PCDHGB3: variants seen among roughly 807,000 people sequenced by gnomAD.
PCDHGB3 encodes the protein protocadherin gamma subfamily B, 3, also known as protocadherin gamma-B3.
A neutral mutation model predicts 59.2 loss-of-function variants in PCDHGB3; 40 were observed. The ratio of observed to expected loss-of-function variants is 0.68; its 90% CI spans 0.52 to 0.88. PCDHGB3 has a LOEUF of 0.88. Ranked by LOEUF, PCDHGB3 falls within the 40% of genes least tolerant of loss-of-function variation. The pLI is 0.00. For synonymous variants in PCDHGB3, 581 were observed against 503.6 expected, an observed-to-expected ratio of 1.15 and a Z score of -2.06; for missense variants, 1,309 against 1,187.9, an observed-to-expected ratio of 1.10 and a Z score of -1.50.
At chr5:141,510,402 G>A (rs2099880998) in intron 3 of PCDHGB3, among the ~76,000 whole-genome samples, 1 of 152,008 alleles carries the variant, frequency 6.6e-6, no homozygotes, top group African/African-American at 2.4e-5. Flanking sequence ...GCAAAGGCTA[G>A]GGGCATGTAA....
rs56854727 is a variant in PCDHGB3, at chr5:141,438,635, TACACACAC to T, written c.2416-56162_2416-56155del. ...ATATATATATATATATATATATATA[TACACACAC>T]ACACACACATATATGTATATATATA... On this transcript the variant is annotated intron_variant, in intron 1 of 3. Transcript: ENST00000576222. Among the ~76,000 whole-genome samples, 72 of 33,376 alleles carry T rather than the reference TACACACAC, an allele frequency of 2.2e-3. 1 individual carries two copies. Among genetic ancestry groups the T allele is most frequent in the Non-Finnish European group, 3.0e-3 (57 of 18,970 alleles). The allele number at this position is 33,376 out of a possible 152,430, so 21.9% of individuals were successfully genotyped here.
At chr5:141,387,666 A>C (rs1286333740) in intron 1 of PCDHGB3, 1 of 683,200 alleles carries the variant, frequency 1.5e-6, no homozygotes, top group African/African-American at 1.8e-5. Flanking sequence ...TTGGCGCTCC[A>C]GATCTCCTCG....
chr5:141,422,556 G>T, intron 1 of PCDHGB3: 1 of 1,613,908 alleles, frequency 6.2e-7, no homozygotes, highest in South Asian at 1.1e-5. Context: ...GGCTGAATGT[G>T]GCAGATGACA....
chr5:141,403,863 C>CA (rs1449407003), intron 1 of PCDHGB3: 1 of 1,613,374 alleles, frequency 6.2e-7, no homozygotes, highest in Non-Finnish European at 8.5e-7. Flanking sequence ...ATATCAACAG[C>CA]AAAAAGTCTA....
intron 1 of PCDHGB3, among the ~76,000 whole-genome samples, chr5:141,379,797 G>C (rs1775829191): frequency 6.6e-6 from 1 of 150,836 alleles, no homozygotes; most frequent in African/African-American, 2.4e-5. Flanking sequence ...GGCTATCTGA[G>C]GTTTTGAGAG....
intron 1 of PCDHGB3, chr5:141,426,760 C>T (rs935248232): frequency 4.4e-6 from 2 of 456,284 alleles, no homozygotes; most frequent in African/African-American, 4.0e-5. Context: ...GCTATAGATG[C>T]AGATGTAGGG....
intron 3 of PCDHGB3, among the ~76,000 whole-genome samples, chr5:141,506,011 C>T (rs1209221520): frequency 6.6e-6 from 1 of 152,204 alleles, no homozygotes; most frequent in Non-Finnish European, 1.5e-5. Flanking sequence ...TCCTCTTTTG[C>T]TGCCCCTAAC....
At chr5:141,372,987 AGT>A in intron 1 of PCDHGB3, 178 bp downstream of exon 1, 1 of 640,932 alleles carries the variant, frequency 1.6e-6, no homozygotes, top group Non-Finnish European at 2.6e-6. Flanking sequence ...TCTGTGTTGC[AGT>A]TGTTCTTTCA....
chr5:141,511,560 T>C lies in PCDHGB3; in HGVS notation c.*387T>C. ...CCACCCCACTCCAACAGTTCCTCTT[T>C]CCCGAGTAAGGTGGTTGGGGTGTTG... On this transcript the variant is annotated 3_prime_UTR_variant, in exon 4 of 4. Coordinates refer to ENST00000576222, the MANE Select transcript of PCDHGB3 (RefSeq NM_018924.5). The C allele has an allele frequency of 3.3e-6, 1 of 298,990 alleles. No homozygotes were observed. The highest frequency in any genetic ancestry group is 3.7e-5 in the South Asian group (1 of 27,250). The allele number at this position is 298,990 out of a possible 1,614,324, so 18.5% of individuals were successfully genotyped here.
rs759346998 is a variant in PCDHGB3 at position 141,410,849 on chromosome 5, C to CTTTTTTTTTT, written c.2415+38053_2415+38062dup. ...CAGACTGAAGATATTTTGTCTTTGT[C>CTTTTTTTTTT]TTTTTTTTTTTTTTTTTTTTTTGAG... On this transcript the variant is annotated intron_variant, in intron 1 of 3. Coordinates refer to ENST00000576222, the MANE Select transcript of PCDHGB3 (RefSeq NM_018924.5). 91 of 138,162 alleles carry CTTTTTTTTTT rather than the reference C, an allele frequency of 6.6e-4. 6 individuals are homozygous for CTTTTTTTTTT. The highest frequency in any genetic ancestry group is 2.3e-3 in the African/African-American group (38 of 16,624). The allele number at this position is 138,162 out of a possible 1,614,324, so 8.6% of individuals were successfully genotyped here. A position where few individuals can be genotyped will look rare whatever the true frequency, so the allele number is the denominator to read the frequency against.
At chr5:141,409,573 C>T (rs562811168) in intron 1 of PCDHGB3, 4 of 1,613,934 alleles carry the variant, frequency 2.5e-6, no homozygotes, top group African/African-American at 2.7e-5. Flanking sequence ...AGACGTCCTA[C>T]GTGGTCCACG....
At position 141,487,267 on chromosome 5, in the gene PCDHGB3, G is replaced by A; in HGVS notation, c.2416-7540G>A. 3 of 1,614,134 alleles carry A rather than the reference G, an allele frequency of 1.9e-6. No individual in the cohort carries two copies. The highest frequency in any genetic ancestry group is 2.5e-6 in the Non-Finnish European group (3 of 1,180,024). ...CCCTCTACTTGGCTGTGTCCCTAGT[G>A]GCAATTTGCTTTGTCTCCTTTGGCT... is the stretch of plus-strand genomic sequence containing the variant. On this transcript the variant is annotated intron_variant, in intron 1 of 3. Transcript: ENST00000576222. The surrounding 1 kb of genome is among the most constrained non-coding windows in gnomAD (Gnocchi z 5.0).
intron 1 of PCDHGB3, chr5:141,427,328 T>G (rs951396612): frequency 1.6e-4 from 74 of 457,122 alleles, no homozygotes; most frequent in Admixed American, 1.2e-3. Context: ...TGGTTTTTAC[T>G]TCAGTGTCCA....
chr5:141,464,402 G>GAT (rs1039725208), intron 1 of PCDHGB3, among the ~76,000 whole-genome samples: 22 of 150,720 alleles, frequency 1.5e-4, no homozygotes, highest in Admixed American at 7.3e-4. Context: ...AAGAACCTGA[G>GAT]ATATATATAT....
rs766428179 is a variant in PCDHGB3, at chr5:141,395,052, C to T, written c.2415+22243C>T. 25 of 1,614,148 alleles carry T rather than the reference C, an allele frequency of 1.5e-5. No homozygotes were observed. In the African/African-American group the frequency reaches 3.2e-4, roughly 21 times the overall value. On this transcript the variant is annotated intron_variant, in intron 1 of 3. Coordinates refer to ENST00000576222, the MANE Select transcript of PCDHGB3 (RefSeq NM_018924.5). Reference sequence around the variant, plus strand: ...ACATTTTGTGGGTGTTGAGGAGGTACAGGCTTTCCTGCAGACCTATTCCCA... The same window carrying T: ...ACATTTTGTGGGTGTTGAGGAGGTATAGGCTTTCCTGCAGACCTATTCCCA...
chr5:141,400,547 CT>C (rs765907405), intron 1 of PCDHGB3: 1 of 1,613,676 alleles, frequency 6.2e-7, no homozygotes, highest in East Asian at 2.2e-5. Context: ...TATGTCTATT[CT>C]TTTTCATTAC....
In PCDHGB3 at chr5:141,441,877, C is replaced by T. The variant is rs945298341; in HGVS notation, c.2416-52930C>T. ...GCTGCACGCCGCGGAGCCTGGCTACCTGGTCACCAAGGTGGTGGCTGTAGA... is the reference window on the plus strand; with the variant it reads ...GCTGCACGCCGCGGAGCCTGGCTACTTGGTCACCAAGGTGGTGGCTGTAGA... On this transcript the variant is annotated intron_variant, in intron 1 of 3. Transcript: ENST00000576222. 4 of 343,582 alleles carry T rather than the reference C, an allele frequency of 1.2e-5. No homozygotes were observed. In the Admixed American group the frequency reaches 1.6e-4, roughly 13 times the overall value. 21.3% of individuals were successfully genotyped at this position (343,582 alleles called of 1,614,324 possible).
intron 1 of PCDHGB3, among the ~76,000 whole-genome samples, chr5:141,454,773 G>A (rs1272535268): frequency 6.9e-6 from 1 of 144,540 alleles, no homozygotes; most frequent in East Asian, 2.0e-4. Flanking sequence ...TTTTTTACAA[G>A]GAAATAATCC....
intron 1 of PCDHGB3, chr5:141,403,939 G>C: frequency 6.2e-7 from 1 of 1,613,852 alleles, no homozygotes; most frequent in Non-Finnish European, 8.5e-7. Context: ...GATTGAAAGG[G>C]TGGACAAAAG....
Sources: allele counts gnomAD v4.1 joint callset (sites outside exome capture counted in the v4.1 genomes callset), GRCh38; gene constraint gnomAD v4.1.1; non-coding constraint Gnocchi (gnomAD v3.1); transcripts MANE v1.5; gene names NCBI Gene and HGNC (gene_info 2026-07-23, HGNC 2026-07-21).